Variants in CHLSN observed in about 807,000 individuals in gnomAD.
CHLSN encodes protein cholesin.
At chr7:1,042,325 C>T in the CHLSN span, among the ~76,000 whole-genome samples, 11 of 152,234 alleles carry the variant, frequency 7.2e-5, no homozygotes, top group Admixed American at 6.5e-4. Context: ...GCCACGTCCA[C>T]GTGACTTCAA....
the CHLSN span, chr7:1,093,776 G>A: frequency 1.6e-5 from 7 of 433,394 alleles, no homozygotes; most frequent in African/African-American, 6.1e-5. Flanking sequence ...GGCTGGTGAC[G>A]TTCAGCCTTT....
chr7:1,021,261 C>T, the CHLSN span: 1 of 520,674 alleles, frequency 1.9e-6, no homozygotes, highest in Non-Finnish European at 2.5e-6. Flanking sequence ...TGAGGATCTC[C>T]CAGCAGGGAC....
At chr7:1,130,640 C>A in the CHLSN span, among the ~76,000 whole-genome samples, 2 of 152,178 alleles carry the variant, frequency 1.3e-5, no homozygotes, top group Non-Finnish European at 2.9e-5. Context: ...CTGCCGCCCC[C>A]ACTGGGTGCA....
chr7:1,020,405 A>G, the CHLSN span, among the ~76,000 whole-genome samples: 1 of 152,118 alleles, frequency 6.6e-6, no homozygotes, highest in African/African-American at 2.4e-5. Context: ...CCTGGGCCCC[A>G]GAGAGGAGCC....
the CHLSN span, among the ~76,000 whole-genome samples, chr7:1,052,429 G>T: frequency 6.6e-6 from 1 of 152,216 alleles, no homozygotes; most frequent in Non-Finnish European, 1.5e-5. This position sits in a 1 kb window ranked among gnomAD's most constrained non-coding sequence, Gnocchi z 4.2. Context: ...GAGTCGTGGG[G>T]GAGGGTTTCG....
At chr7:1,093,804 G>A in the CHLSN span, 1 of 408,808 alleles carries the variant, frequency 2.4e-6, no homozygotes. Context: ...AACCTGTCAT[G>A]TGCGGATCCT....
At chr7:1,002,382 G>GGT in the CHLSN span, among the ~76,000 whole-genome samples, 1 of 114,774 alleles carries the variant, frequency 8.7e-6, no homozygotes, top group Non-Finnish European at 1.8e-5. Flanking sequence ...CCTGTGGGTG[G>GGT]GGAGTCCTGT....
chr7:1,016,306 G>A, the CHLSN span, among the ~76,000 whole-genome samples: 1 of 41,414 alleles, frequency 2.4e-5, no homozygotes, highest in Admixed American at 3.0e-4. Flanking sequence ...CCAGCACATA[G>A]CAGCACAGCA....
chr7:1,055,022 C>T, the CHLSN span, among the ~76,000 whole-genome samples: 7 of 152,286 alleles, frequency 4.6e-5, no homozygotes, highest in South Asian at 8.3e-4. Context: ...GACCTGGACA[C>T]GTGTCTGCCT....
the CHLSN span, among the ~76,000 whole-genome samples, chr7:1,015,683 C>G: frequency 1.3e-5 from 2 of 152,198 alleles, no homozygotes; most frequent in Non-Finnish European, 2.9e-5. Flanking sequence ...TGGGCGGGGC[C>G]AGGACTAACC....
chr7:1,052,955 G>A, the CHLSN span, among the ~76,000 whole-genome samples: 1 of 152,162 alleles, frequency 6.6e-6, no homozygotes, highest in East Asian at 1.9e-4. The surrounding 1 kb of genome is among the most constrained non-coding windows in gnomAD (Gnocchi z 4.2). Context: ...GCTCATCTGG[G>A]CTTTCTCTCC....
chr7:1,123,658 T>C, the CHLSN span, among the ~76,000 whole-genome samples: 1 of 151,340 alleles, frequency 6.6e-6, no homozygotes, highest in South Asian at 2.1e-4. This position sits in a 1 kb window ranked among gnomAD's most constrained non-coding sequence, Gnocchi z 4.4. Flanking sequence ...GAAATATCCA[T>C]ATTAGCAGAG....
chr7:1,031,822 G>T, the CHLSN span, among the ~76,000 whole-genome samples: 2 of 141,096 alleles, frequency 1.4e-5, no homozygotes, highest in Non-Finnish European at 3.1e-5. Flanking sequence ...CCTGCAGGGA[G>T]GGCAGAGTGG....
the CHLSN span, among the ~76,000 whole-genome samples, chr7:1,030,218 AC>A: frequency 2.5e-3 from 384 of 152,036 alleles, 5 homozygotes; most frequent in Non-Finnish European, 4.7e-3. Context: ...GAACGCAACG[AC>A]CCACGCATCC....
chr7:1,054,355 G>A, the CHLSN span, among the ~76,000 whole-genome samples: 1 of 152,192 alleles, frequency 6.6e-6, no homozygotes, highest in African/African-American at 2.4e-5. Flanking sequence ...TGCAGCTTTG[G>A]AAGTTTATAA....
chr7:1,021,160 G>T, the CHLSN span, among the ~76,000 whole-genome samples: 1 of 151,318 alleles, frequency 6.6e-6, no homozygotes, highest in Non-Finnish European at 1.5e-5. Context: ...GGACCTTCTG[G>T]TTGGGGATCA....
At chr7:1,120,259 T>G in the CHLSN span, among the ~76,000 whole-genome samples, 105,554 of 152,052 alleles carry the variant, frequency 0.69, 38,099 homozygotes, top group African/African-American at 0.89. Flanking sequence ...TGTCGACCAG[T>G]GTGTGGAGGA....
the CHLSN span, among the ~76,000 whole-genome samples, chr7:1,032,324 C>T: frequency 0.089 from 13,507 of 152,302 alleles, 1,918 homozygotes; most frequent in African/African-American, 0.3. Flanking sequence ...GAGAAGGTGC[C>T]GTGGAGGCCT....
the CHLSN span, among the ~76,000 whole-genome samples, chr7:1,119,825 C>T: frequency 7.4e-5 from 11 of 149,374 alleles, no homozygotes; most frequent in East Asian, 3.9e-4. Flanking sequence ...TGCGGTGAGC[C>T]GAGATTGTGT....
Sources: allele counts gnomAD v4.1 joint callset (sites outside exome capture counted in the v4.1 genomes callset), GRCh38; gene constraint gnomAD v4.1.1; non-coding constraint Gnocchi (gnomAD v3.1); transcripts MANE v1.5; gene names NCBI Gene and HGNC (gene_info 2026-07-23, HGNC 2026-07-21).